SYT9: variants seen among roughly 807,000 people sequenced by gnomAD.
SYT9 encodes synaptotagmin-9.
In SYT9, 22 loss-of-function variants were observed where a neutral mutation model predicts 48.4. The ratio of observed to expected loss-of-function variants is 0.45; its 90% confidence interval spans 0.32 to 0.65. The LOEUF is 0.65. Ranked by LOEUF, SYT9 falls within the 30% of genes least tolerant of loss-of-function variation. SYT9 has a pLI of 0.03. For missense variants in SYT9, 577 were observed against 622.0 expected (o/e 0.93, Z 0.77); for synonymous variants, 265 against 245.0 (o/e 1.08, Z -0.76).
intron 6 of SYT9, among the ~76,000 whole-genome samples, chr11:7,451,352 G>T (rs1399273164): frequency 1.3e-5 from 2 of 152,270 alleles, no homozygotes; most frequent in Admixed American, 6.5e-5. Context: ...GTTGCATTCT[G>T]TTAAGACTAA....
At chr11:7,351,149 G>A (rs1235512288) in intron 3 of SYT9, among the ~76,000 whole-genome samples, 1 of 152,102 alleles carries the variant, frequency 6.6e-6, no homozygotes. Flanking sequence ...AGATGAAGTG[G>A]TATATATTGC....
At chr11:7,310,486 G>A (rs962384547) in intron 2 of SYT9, among the ~76,000 whole-genome samples, 24 of 128,756 alleles carry the variant, frequency 1.9e-4, no homozygotes, top group African/African-American at 3.3e-4. Flanking sequence ...TCACCCTGTC[G>A]CCCAGGCTGG....
intron 3 of SYT9, among the ~76,000 whole-genome samples, chr11:7,404,509 TCTTTAA>T (rs1846963932): frequency 6.6e-6 from 1 of 152,192 alleles, no homozygotes; most frequent in Non-Finnish European, 1.5e-5. Flanking sequence ...AGAGTATATA[TCTTTAA>T]CTTATACTGG....
chr11:7,371,493 A>G (rs1178957701), intron 3 of SYT9, among the ~76,000 whole-genome samples: 1 of 143,428 alleles, frequency 7.0e-6, no homozygotes, highest in Non-Finnish European at 1.6e-5. Context: ...TCTCTTATAT[A>G]TAGAAAAAAA....
chr11:7,465,408 C>T (rs937416082), intron 6 of SYT9, among the ~76,000 whole-genome samples: 1 of 152,206 alleles, frequency 6.6e-6, no homozygotes, highest in African/African-American at 2.4e-5. Context: ...AGAATGGTTG[C>T]TACTCTTTTA....
chr11:7,422,832 G>A (rs1055733178), intron 6 of SYT9, among the ~76,000 whole-genome samples: 33 of 152,306 alleles, frequency 2.2e-4, no homozygotes, highest in African/African-American at 7.5e-4. Context: ...TTACACAAAG[G>A]AGAGTGCAGG....
intron 3 of SYT9, among the ~76,000 whole-genome samples, chr11:7,385,901 C>T (rs2134052729): frequency 6.6e-6 from 1 of 152,308 alleles, no homozygotes; most frequent in African/African-American, 2.4e-5. Context: ...AAATTAGAAT[C>T]AGTCTGTCAA....
intron 1 of SYT9, among the ~76,000 whole-genome samples, chr11:7,268,537 G>A (rs1442534945): frequency 6.6e-6 from 1 of 151,972 alleles, no homozygotes; most frequent in Non-Finnish European, 1.5e-5. Flanking sequence ...AAATACTGAT[G>A]TACTGTAACC....
intron 6 of SYT9, chr11:7,454,274 G>A (rs1034209643): frequency 1.0e-6 from 1 of 985,170 alleles, no homozygotes; most frequent in African/African-American, 1.7e-5. Flanking sequence ...TCTCTGCAGT[G>A]GCCTGAGGAA....
Position 7,347,235 on chromosome 11 carries a change from T to TG in SYT9, c.1044+33294_1044+33295insG, listed in dbSNP as rs1849815429. On this transcript the variant is annotated intron_variant, in intron 3 of 6. Coordinates refer to ENST00000318881, the MANE Select transcript of SYT9 (RefSeq NM_175733.4). ...TGCTTTCAAACCGTTTTCATCAAAA[T>TG]ATTTTTTTTTTTTGAGATGAAGTCT... 3.3e-5 allele frequency among the ~76,000 whole-genome samples: 3 copies of TG among 91,498 alleles called. No individual in the cohort carries two copies. The South Asian group carries it at 8.8e-4, about 27-fold the overall frequency. 60.0% of individuals were successfully genotyped at this position (91,498 alleles called of 152,430 possible). A position where few individuals can be genotyped will look rare whatever the true frequency, so the allele number is the denominator to read the frequency against.
intron 3 of SYT9, among the ~76,000 whole-genome samples, chr11:7,363,786 C>A (rs1381451361): frequency 6.6e-6 from 1 of 152,066 alleles, no homozygotes; most frequent in Admixed American, 6.6e-5. Flanking sequence ...ACAGATACCA[C>A]TGAGAAGATG....
chr11:7,263,838 T>C lies in SYT9; in HGVS notation c.145+11507T>C, dbSNP rs139192824. On this transcript the variant is annotated intron_variant, in intron 1 of 6. Transcript: ENST00000318881. ...TAAAAGAGAATGAGAGGAGAGAAAT[T>C]GAGAGAAAAGAGTATAAGCCATTTT... Among the ~76,000 whole-genome samples the C allele has an allele frequency of 3.3e-5, 5 of 150,300 alleles. No individual in the cohort carries two copies. The East Asian group carries it at 9.7e-4, about 29-fold the overall frequency.
chr11:7,251,119 CA>C, upstream of SYT9, among the ~76,000 whole-genome samples: 2 of 150,450 alleles, frequency 1.3e-5, no homozygotes, highest in South Asian at 4.3e-4. Context: ...CACACACACA[CA>C]CACACACACA....
At chr11:7,356,700 A>C (rs566129455) in intron 3 of SYT9, among the ~76,000 whole-genome samples, 1 of 152,338 alleles carries the variant, frequency 6.6e-6, no homozygotes, top group South Asian at 2.1e-4. Flanking sequence ...ATGCAATTAA[A>C]AGTAATTTTG....
intron 6 of SYT9, among the ~76,000 whole-genome samples, chr11:7,442,842 A>G (rs1484603768): frequency 3.0e-4 from 45 of 148,052 alleles, no homozygotes; most frequent in Non-Finnish European, 5.9e-5. Flanking sequence ...GGGTTCATTG[A>G]TACATCCATT....
At chr11:7,248,327 A>G (rs1847819906), upstream of SYT9, among the ~76,000 whole-genome samples, 2 of 151,868 alleles carry the variant, frequency 1.3e-5, no homozygotes, top group Non-Finnish European at 2.9e-5. Flanking sequence ...TCTTTAGTTT[A>G]ATTAAGTCCC....
chr11:7,387,430 T>C (rs1317972322), intron 3 of SYT9, among the ~76,000 whole-genome samples: 3 of 152,178 alleles, frequency 2.0e-5, no homozygotes, highest in South Asian at 4.1e-4. Context: ...ACTCTATTAA[T>C]CATCATCAGT....
chr11:7,297,110 G>A (rs1023366541), intron 1 of SYT9, among the ~76,000 whole-genome samples: 1 of 152,060 alleles, frequency 6.6e-6, no homozygotes, highest in African/African-American at 2.4e-5. Flanking sequence ...GACAGAGAGA[G>A]AGAGAGAGAG....
rs1266476064 is a variant in SYT9, at chr11:7,327,979, G to A, written c.1044+14038G>A. The stretch of plus-strand genomic sequence containing the variant: ...GGAGATATACCTAATGCTAGATGAC[G>A]AGTTAGTGGGTGCAGCGCACCAGCA... On this transcript the variant is annotated intron_variant, in intron 3 of 6. Coordinates refer to ENST00000318881, the MANE Select transcript of SYT9 (RefSeq NM_175733.4). Among the ~76,000 whole-genome samples the A allele has an allele frequency of 2.7e-3, 327 of 121,524 alleles. 2 individuals are homozygous for A. The highest frequency in any genetic ancestry group is 9.7e-3 in the African/African-American group (310 of 32,034). The allele number at this position is 121,524 out of a possible 152,430, so 79.7% of individuals were successfully genotyped here.
Sources: gnomAD v4.1 joint callset for allele counts (sites outside exome capture counted in the v4.1 genomes callset) on GRCh38, gnomAD v4.1.1 for gene constraint, MANE v1.5 for transcripts, NCBI Gene and HGNC (gene_info 2026-07-23, HGNC 2026-07-21) for gene names.